NRXN2: variants seen among roughly 807,000 people sequenced by gnomAD.
NRXN2 encodes neurexin-2-beta.
In NRXN2, 29 loss-of-function variants were observed where a neutral mutation model predicts 128.8. That is an observed-to-expected ratio of 0.23 (90% CI 0.17 to 0.31). The LOEUF (loss-of-function observed/expected upper bound fraction) is 0.31. NRXN2 is among the 10% of genes least tolerant of loss of function. The probability of loss-of-function intolerance (pLI) is 1.00; values close to 1 mark genes in which losing one functional copy is unlikely to be tolerated. For missense variants in NRXN2, 1,881 were observed against 2,452.6 expected (o/e 0.77, Z 4.92); for synonymous variants, 1,098 against 1,075.2 (o/e 1.02, Z -0.41).
chr11:64,629,557 GCCT>G (rs2043569250), intron 19 of NRXN2, among the ~76,000 whole-genome samples: 1 of 151,988 alleles, frequency 6.6e-6, no homozygotes, highest in African/African-American at 2.4e-5. Context: ...CAGAGTCTCT[GCCT>G]CCTCATTTCT....
chr11:64,614,108 A>G (rs1364037259), intron 22 of NRXN2, among the ~76,000 whole-genome samples: 2 of 152,222 alleles, frequency 1.3e-5, no homozygotes, highest in African/African-American at 4.8e-5. Flanking sequence ...GCATCCCACA[A>G]GAGTCAGAAG....
chr11:64,715,954 C>G (rs1327412569), intron 1 of NRXN2, among the ~76,000 whole-genome samples: 5 of 152,222 alleles, frequency 3.3e-5, no homozygotes, highest in Admixed American at 3.3e-4. Context: ...CATCCCCAGC[C>G]CAGGGCAGGG....
chr11:64,689,586 TCA>T (rs1453035368), intron 5 of NRXN2, among the ~76,000 whole-genome samples: 18 of 152,202 alleles, frequency 1.2e-4, no homozygotes, highest in African/African-American at 4.3e-4. Context: ...ATCCCTGGCC[TCA>T]AGGAGCTTGG....
intron 6 of NRXN2, among the ~76,000 whole-genome samples, chr11:64,677,804 G>C (rs892458975): frequency 6.6e-6 from 1 of 152,230 alleles, no homozygotes; most frequent in Admixed American, 6.5e-5. Flanking sequence ...TGGCTTTCCA[G>C]AGAACTGGCT....
At chr11:64,721,666 C>T (rs1278391085) in intron 1 of NRXN2, among the ~76,000 whole-genome samples, 1 of 152,120 alleles carries the variant, frequency 6.6e-6, no homozygotes, top group Non-Finnish European at 1.5e-5. Context: ...TTCTCCTTCT[C>T]TGGCAGAAGA....
intron 3 of NRXN2, among the ~76,000 whole-genome samples, chr11:64,696,861 C>G (rs1176983209): frequency 3.3e-5 from 5 of 152,288 alleles, no homozygotes; most frequent in East Asian, 1.9e-4. Context: ...TTCAACACAG[C>G]CTTCAAGCCA....
intron 11 of NRXN2, among the ~76,000 whole-genome samples, chr11:64,657,927 GT>G (rs1219791281): frequency 1.3e-5 from 2 of 152,170 alleles, no homozygotes; most frequent in Non-Finnish European, 2.9e-5. Flanking sequence ...TTATCTGTCA[GT>G]CTGGGAAGCC....
rs148703258 is a variant in NRXN2, at chr11:64,660,895, G to A, written c.2043C>T (p.Gly681=). 3.9e-4 allele frequency: 634 copies of A among 1,613,550 alleles called. 3 individuals are homozygous for A. The African/African-American group carries it at 7.5e-3, about 19-fold the overall frequency. The change falls in exon 10 of 23, where the codon GGC becomes GGT. Residue 681 remains glycine (G), a synonymous_variant. Coordinates refer to ENST00000265459, the MANE Select transcript of NRXN2 (RefSeq NM_015080.4). The surrounding 1 kb of genome is among the most constrained non-coding windows in gnomAD (Gnocchi z 5.2). The stretch of plus-strand genomic sequence containing the variant: ...TCTCCCGGGAGCAAAAGGGGGCAAC[G>A]CCCACAGCCCCCTGAGCCTCAGCCA... The part of the protein sequence containing the change: ...RGLAEAQGAV[G]VAPFCSRETL...
intron 3 of NRXN2, among the ~76,000 whole-genome samples, chr11:64,696,171 T>A (rs188905978): frequency 6.6e-6 from 1 of 151,710 alleles, no homozygotes; most frequent in African/African-American, 2.4e-5. Flanking sequence ...AGACATGACA[T>A]CAAGAGCAAG....
intron 17 of NRXN2, among the ~76,000 whole-genome samples, chr11:64,644,282 C>T (rs2046305813): frequency 6.6e-6 from 1 of 152,034 alleles, no homozygotes; most frequent in Non-Finnish European, 1.5e-5. Flanking sequence ...ATAAGACATG[C>T]CACACACGTA....
chr11:64,653,666 T>TA (rs878922480), intron 12 of NRXN2, 30 bp downstream of exon 12: 1 of 1,587,192 alleles, frequency 6.3e-7, no homozygotes, highest in South Asian at 1.2e-5. Flanking sequence ...TCCCCTTGGG[T>TA]CTCTGCAGAA....
At chr11:64,642,638 TGGA>T (rs1414910304) in intron 17 of NRXN2, 3 of 1,603,870 alleles carry the variant, frequency 1.9e-6, no homozygotes, top group Non-Finnish European at 2.6e-6. Flanking sequence ...GTGCTGAGGC[TGGA>T]GGAGACCCGG....
rs772822560 is a variant in NRXN2, at chr11:64,623,510, T to C, written c.3848-432A>G. On this transcript the variant is annotated intron_variant, in intron 20 of 22. Transcript: ENST00000265459. This position sits in a 1 kb window ranked among gnomAD's most constrained non-coding sequence, Gnocchi z 4.9. ...TGTCCAGCCCCAAGCCCTGAAGCCA[T>C]GGAGCCCCTGGAAGAGGCAGATAGA... 2.2e-5 allele frequency: 5 copies of C among 227,424 alleles called. No homozygotes were observed. Among genetic ancestry groups the C allele is most frequent in the Non-Finnish European group, 4.4e-5 (5 of 112,930 alleles). The allele number at this position is 227,424 out of a possible 1,614,324, so 14.1% of individuals were successfully genotyped here. A position where few individuals can be genotyped will look rare whatever the true frequency, so the allele number is the denominator to read the frequency against.
rs2135377670 is a variant in NRXN2 at position 64,632,229 on chromosome 11, C to T, written c.3586-1656G>A. 6.6e-6 allele frequency among the ~76,000 whole-genome samples: 1 copy of T among 152,300 alleles called. No individual in the cohort carries two copies. The highest frequency in any genetic ancestry group is 2.1e-4 in the South Asian group (1 of 4,830). ...CCCACTTGTGGGGTCCAGTTGTCTCCTTCTCAGAACCTGGGAAAACCACAT... is the reference window on the plus strand; with the variant it reads ...CCCACTTGTGGGGTCCAGTTGTCTCTTTCTCAGAACCTGGGAAAACCACAT... On this transcript the variant is annotated intron_variant, in intron 18 of 22. Transcript: ENST00000265459. The surrounding 1 kb of genome is among the most constrained non-coding windows in gnomAD (Gnocchi z 4.2).
intron 9 of NRXN2, among the ~76,000 whole-genome samples, chr11:64,664,479 A>C (rs1339846598): frequency 1.5e-5 from 1 of 68,898 alleles, no homozygotes; most frequent in Admixed American, 1.2e-4. Flanking sequence ...ACTCCGTGTC[A>C]AAAAAAAAAA....
chr11:64,642,389 T>A, intron 17 of NRXN2: 1 of 1,149,026 alleles, frequency 8.7e-7, no homozygotes, highest in South Asian at 1.7e-5. Flanking sequence ...AGCTGGAGAT[T>A]GGAGGTGAAG....
At chr11:64,645,689 G>A (rs972056956) in intron 17 of NRXN2, among the ~76,000 whole-genome samples, 1 of 152,110 alleles carries the variant, frequency 6.6e-6, no homozygotes, top group Non-Finnish European at 1.5e-5. Context: ...CCACCCCCAG[G>A]AGTAGTCCCC....
chr11:64,644,183 TAC>T (rs2046290768), intron 17 of NRXN2, among the ~76,000 whole-genome samples: 1 of 151,858 alleles, frequency 6.6e-6, no homozygotes, highest in South Asian at 2.1e-4. Context: ...ATGGCCAACA[TAC>T]ACACAGACAC....
chr11:64,668,382 G>A (rs917156185), intron 8 of NRXN2, 61 bp downstream of exon 8: 47 of 1,599,158 alleles, frequency 2.9e-5, no homozygotes, highest in South Asian at 1.3e-4. Context: ...ACTAAGTCAC[G>A]CTGAAGACAG....
Sources: allele counts gnomAD v4.1 joint callset (sites outside exome capture counted in the v4.1 genomes callset), GRCh38; gene constraint gnomAD v4.1.1; non-coding constraint Gnocchi (gnomAD v3.1); transcripts MANE v1.5; gene names NCBI Gene and HGNC (gene_info 2026-07-23, HGNC 2026-07-21).